The following CUBN variants were observed in gnomAD, a reference collection of about 807,000 sequenced individuals.
The protein encoded by CUBN is cubilin, also known as 460 kDa receptor.
In CUBN, 282 loss-of-function variants were observed where a neutral mutation model predicts 405.3. The observed-to-expected ratio is 0.70, with a 90% CI of 0.63 to 0.77. The LOEUF is 0.77. CUBN is among the 30% of genes least tolerant of loss of function. CUBN has a pLI of 0.00. For missense variants in CUBN, 4,514 were observed against 4,475.2 expected, an observed-to-expected ratio of 1.01 and a Z score of -0.25; for synonymous variants, 1,684 against 1,617.0, an observed-to-expected ratio of 1.04 and a Z score of -0.99.
chr10:16,834,286 A>T (rs904983728), intron 64 of CUBN, among the ~76,000 whole-genome samples: 2 of 152,020 alleles, frequency 1.3e-5, no homozygotes, highest in African/African-American at 4.8e-5. Flanking sequence ...AAGAGCACAG[A>T]GGGAGCTCAT....
rs751891779 is a variant in CUBN, at chr10:17,110,968, A to C, written c.966T>G (p.Val322=). 6.2e-7 allele frequency: 1 copy of C among 1,614,232 alleles called. No individual in the cohort carries two copies. The highest frequency in any genetic ancestry group is 1.1e-5 in the South Asian group (1 of 91,086). ...NNGGCSVAPP[V]ECVNTPGSSH... ...AAGACCCAGGTGTATTCACACACTCAACGGGTGGAGCCACAGAACAGCCGC... is the reference window on the plus strand; with the variant it reads ...AAGACCCAGGTGTATTCACACACTCCACGGGTGGAGCCACAGAACAGCCGC... The change falls in exon 9 of 67, where the codon GTT becomes GTG. Residue 322 remains valine (V), a synonymous_variant. Transcript: ENST00000377833.
At chr10:16,961,932 T>C (rs1843236640) in intron 31 of CUBN, among the ~76,000 whole-genome samples, 1 of 151,988 alleles carries the variant, frequency 6.6e-6, no homozygotes, top group African/African-American at 2.4e-5. Context: ...CAGGATGGTC[T>C]CCATCTCCTG....
At chr10:16,892,028 C>A (rs189710576) in intron 54 of CUBN, among the ~76,000 whole-genome samples, 1 of 152,186 alleles carries the variant, frequency 6.6e-6, no homozygotes, top group Admixed American at 6.5e-5. Flanking sequence ...CCAAACACAT[C>A]TCTTCTCAAG....
intron 14 of CUBN, among the ~76,000 whole-genome samples, chr10:17,089,768 G>A: frequency 6.6e-6 from 1 of 152,106 alleles, no homozygotes; most frequent in Middle Eastern, 3.2e-3. Flanking sequence ...AGGTACATTG[G>A]CAAAAATACA....
chr10:17,047,481 C>G lies in CUBN; in HGVS notation c.3262G>C (p.Val1088Leu). The G allele has an allele frequency of 6.2e-7, 1 of 1,614,026 alleles. No individual in the cohort carries two copies. The highest frequency in any genetic ancestry group is 8.5e-7 in the Non-Finnish European group (1 of 1,179,932). ...TCCAAGGAGAAGTTTGTGAAGTGCA[C>G]TGCAATCAGTTGGCCAGTTCTCACT... ...ITVRTGQLIA[V>L]HFTNFSLEEA... Residue 1088 changes from valine to leucine, a missense_variant, in exon 23 of 67, where the codon GTG (valine) becomes CTG (leucine). Val to Leu is a conservative substitution (Grantham distance 32). Coordinates refer to ENST00000377833, the MANE Select transcript of CUBN (RefSeq NM_001081.4).
intron 60 of CUBN, among the ~76,000 whole-genome samples, chr10:16,849,364 G>GA (rs34338537): frequency 0.54 from 81,691 of 151,928 alleles, 26,397 homozygotes; most frequent in Non-Finnish European, 0.73. Flanking sequence ...CTGACTCTCT[G>GA]AAATCTATGC....
chr10:16,863,592 G>A (rs1840079656), intron 59 of CUBN, among the ~76,000 whole-genome samples: 1 of 152,106 alleles, frequency 6.6e-6, no homozygotes, highest in African/African-American at 2.4e-5. Flanking sequence ...GAATTTTTAA[G>A]TTTATTCTTG....
Position 16,913,821 on chromosome 10 carries a change from T to C in CUBN, c.7523A>G (p.Glu2508Gly). The C allele has an allele frequency of 6.2e-7, 1 of 1,613,610 alleles. No individual in the cohort carries two copies. Among genetic ancestry groups the C allele is most frequent in the Non-Finnish European group, 8.5e-7 (1 of 1,180,020 alleles). Residue 2508 changes from glutamate to glycine, a missense_variant, in exon 48 of 67, where the codon GAG becomes GGG. Around this residue, in one of 5 missense-constraint regions of CUBN, gnomAD observed 1,613 missense variants for 1,542.8 expected, o/e 1.05. Transcript: ENST00000377833. ...GCAGGGAACACTTACTATCACATGC[T>C]CATTGTTGCAGGACGGATGCGTGGC... ...RLATHPSCNNEHVIVFNGIRS... is the reference protein window; with the variant it reads ...RLATHPSCNNGHVIVFNGIRS...
At chr10:17,040,097 G>T (rs1171102230) in intron 27 of CUBN, among the ~76,000 whole-genome samples, 1 of 152,126 alleles carries the variant, frequency 6.6e-6, no homozygotes, top group Non-Finnish European at 1.5e-5. Context: ...CCCCAGAGTT[G>T]CCAGCAATGG....
chr10:16,974,462 C>A (rs1356874078), intron 31 of CUBN, among the ~76,000 whole-genome samples: 1 of 151,670 alleles, frequency 6.6e-6, no homozygotes, highest in African/African-American at 2.4e-5. Flanking sequence ...CTCACTCTGT[C>A]GCCCAGGCTG....
chr10:16,900,454 A>G (rs1288496201), intron 53 of CUBN, among the ~76,000 whole-genome samples, 171 bp downstream of exon 53: 1 of 152,254 alleles, frequency 6.6e-6, no homozygotes, highest in East Asian at 1.9e-4. Context: ...CATGCAAAAT[A>G]GAGATGCCAG....
At chr10:17,075,406 G>C (rs1835837401) in intron 17 of CUBN, among the ~76,000 whole-genome samples, 1 of 151,968 alleles carries the variant, frequency 6.6e-6, no homozygotes, top group African/African-American at 2.4e-5. Context: ...ATTTTAAAAG[G>C]ATGATATTCA....
chr10:17,013,411 CCT>C (rs56347369), intron 28 of CUBN, among the ~76,000 whole-genome samples: 27,204 of 151,612 alleles, frequency 0.18, 2,815 homozygotes, highest in African/African-American at 0.29. Context: ...TCTCTCTCTT[CCT>C]CTCTCTGTCT....
rs1345504155 is a variant in CUBN at position 17,030,159 on chromosome 10, G to A, written c.4018-10176C>T. On this transcript the variant is annotated intron_variant, in intron 27 of 66. Transcript: ENST00000377833. ...GTCTAATGCAGGAAACCAAGCTCAG[G>A]GCTCCCACTGATTCTACATGATGGT... Among the ~76,000 whole-genome samples the A allele has an allele frequency of 4.6e-5, 7 of 152,052 alleles. No homozygotes were observed. The South Asian group carries it at 1.5e-3, about 32-fold the overall frequency.
At chr10:17,068,353 T>C in intron 20 of CUBN, 73 bp from the exon 21 acceptor site, 2 of 1,439,188 alleles carry the variant, frequency 1.4e-6, no homozygotes, top group Non-Finnish European at 2.0e-6. Context: ...AAGGCTCTGA[T>C]AATAACCTCT....
chr10:16,983,968 G>A (rs1833348548), intron 30 of CUBN, 137 bp downstream of exon 30: 1 of 899,670 alleles, frequency 1.1e-6, no homozygotes, highest in Non-Finnish European at 1.9e-6. Flanking sequence ...AAGGGTATAT[G>A]TCAGGTCTCA....
At chr10:16,900,912 C>G in intron 52 of CUBN, 62 bp from the exon 53 acceptor site, 1 of 1,106,182 alleles carries the variant, frequency 9.0e-7, no homozygotes, top group Non-Finnish European at 1.4e-6. Flanking sequence ...GAAGATAAGG[C>G]CCTTACAAAT....
chr10:16,999,344 AC>A (rs1408684089), intron 28 of CUBN, among the ~76,000 whole-genome samples: 2 of 152,350 alleles, frequency 1.3e-5, no homozygotes, highest in East Asian at 3.9e-4. Context: ...ACAAAAGGAT[AC>A]TATCTTTCGT....
chr10:17,107,202 A>C (rs1302862042), intron 10 of CUBN, among the ~76,000 whole-genome samples: 1 of 152,216 alleles, frequency 6.6e-6, no homozygotes, highest in Non-Finnish European at 1.5e-5. Flanking sequence ...TTAGGTTAAA[A>C]ATACTCGTCA....
Sources: allele counts gnomAD v4.1 joint callset (sites outside exome capture counted in the v4.1 genomes callset), GRCh38; gene constraint gnomAD v4.1.1; regional missense constraint gnomAD v4.1.1; transcripts MANE v1.5; gene names NCBI Gene and HGNC (gene_info 2026-07-23, HGNC 2026-07-21).